Variants in HLCS observed in about 807,000 individuals in gnomAD.
The protein encoded by HLCS is holocarboxylase synthetase.
Under a neutral mutation model 75.0 loss-of-function variants are expected in HLCS, and 53 were observed. The observed-to-expected ratio is 0.71, with a 90% CI of 0.57 to 0.89. The LOEUF is 0.89. Among genes scored for constraint, HLCS ranks in the 40% least tolerant of loss-of-function variants. The probability of loss-of-function intolerance (pLI) is 0.00; values close to 1 mark genes in which losing one functional copy is unlikely to be tolerated. For missense variants in HLCS, 966 were observed against 1,074.0 expected (o/e 0.90, Z 1.41); for synonymous variants, 431 against 428.6 (o/e 1.01, Z -0.07).
chr21:36,875,101 A>C (rs57059082), intron 6 of HLCS, among the ~76,000 whole-genome samples: 8,294 of 152,242 alleles, frequency 0.054, 406 homozygotes, highest in East Asian at 0.24. Context: ...AGACCAGAGG[A>C]CTAAGCGTGA....
chr21:36,984,247 C>T (rs1569276952), intron 1 of HLCS, among the ~76,000 whole-genome samples: 1 of 152,008 alleles, frequency 6.6e-6, no homozygotes, highest in Non-Finnish European at 1.5e-5. Flanking sequence ...TTCCAAGACC[C>T]CCAGTGGACG....
At chr21:36,888,422 C>G (rs1486104623) in intron 6 of HLCS, among the ~76,000 whole-genome samples, 2 of 105,280 alleles carry the variant, frequency 1.9e-5, no homozygotes, top group South Asian at 4.1e-4. Context: ...GATCCTGCCC[C>G]CTTCCCATTT....
intron 1 of HLCS, among the ~76,000 whole-genome samples, chr21:36,987,144 G>A (rs767246243): frequency 7.2e-5 from 11 of 152,254 alleles, no homozygotes; most frequent in African/African-American, 1.7e-4. Context: ...CTGACTCATC[G>A]TTGACCTTCC....
At chr21:36,815,531 A>G (rs1434761135) in intron 6 of HLCS, among the ~76,000 whole-genome samples, 1 of 152,238 alleles carries the variant, frequency 6.6e-6, no homozygotes, top group Non-Finnish European at 1.5e-5. Flanking sequence ...TCATATTATT[A>G]CTGAGAAACA....
intron 2 of HLCS, among the ~76,000 whole-genome samples, chr21:36,952,894 C>T (rs2835550): frequency 0.56 from 85,165 of 151,550 alleles, 24,153 homozygotes; most frequent in East Asian, 0.64. Context: ...ATAGCTGTGA[C>T]AGAGATGCTA....
At chr21:36,915,524 G>A (rs2065893787) in intron 5 of HLCS, among the ~76,000 whole-genome samples, 1 of 152,258 alleles carries the variant, frequency 6.6e-6, no homozygotes. Context: ...GGAGAGAGGG[G>A]AGCGGCGTCC....
chr21:36,880,123 G>A (rs1464041621), intron 6 of HLCS, among the ~76,000 whole-genome samples: 2 of 152,112 alleles, frequency 1.3e-5, no homozygotes, highest in African/African-American at 4.8e-5. Flanking sequence ...TTCCAATGAT[G>A]ACAACATGGT....
chr21:36,888,471 TATATATATATATATATATATATA>T lies in HLCS; in HGVS notation c.1892+8366_1892+8388del, dbSNP rs1569149773. ...ATATATATATATATATATATATATA[TATATATATATATATATATATATA>T]TATTTATTTATTTATTTTATGGGAT... On this transcript the variant is annotated intron_variant, in intron 6 of 10. Coordinates refer to ENST00000674895, the MANE Select transcript of HLCS (RefSeq NM_001352514.2). Among the ~76,000 whole-genome samples, 48 of 112,114 alleles carry T rather than the reference TATATATATATATATATATATATA, an allele frequency of 4.3e-4. No individual in the cohort carries two copies. The Middle Eastern group carries it at 0.018, about 42-fold the overall frequency. 73.6% of individuals were successfully genotyped at this position (112,114 alleles called of 152,430 possible).
intron 5 of HLCS, among the ~76,000 whole-genome samples, chr21:36,929,154 G>T: frequency 6.6e-6 from 1 of 152,236 alleles, no homozygotes; most frequent in East Asian, 1.9e-4. Context: ...CCACTACTCT[G>T]TCCAAGAGTC....
chr21:36,942,232 G>A (rs115394676), intron 2 of HLCS, among the ~76,000 whole-genome samples: 11 of 151,402 alleles, frequency 7.3e-5, no homozygotes, highest in Admixed American at 6.6e-4. Context: ...TACAGAAAAA[G>A]AAAAAAACCA....
At chr21:36,817,517 C>T (rs987749367) in intron 6 of HLCS, among the ~76,000 whole-genome samples, 6 of 152,142 alleles carry the variant, frequency 3.9e-5, no homozygotes, top group Non-Finnish European at 8.8e-5. Context: ...CACCTATCCT[C>T]CACCCACCGG....
intron 8 of HLCS, among the ~76,000 whole-genome samples, chr21:36,760,426 T>C (rs930172163): frequency 7.9e-5 from 12 of 151,914 alleles, no homozygotes; most frequent in African/African-American, 1.7e-4. Flanking sequence ...CTGGCCAACA[T>C]AGTGAAACCC....
chr21:36,823,610 G>GGTGTGTGTGTGTGTGTGTGTGT (rs59724760), intron 6 of HLCS, among the ~76,000 whole-genome samples: 2,082 of 132,736 alleles, frequency 0.016, 39 homozygotes, highest in South Asian at 0.026. Context: ...AAACGTGCAG[G>GGTGTGTGTGTGTGTGTGTGTGT]GTGTGTGTGT....
intron 6 of HLCS, among the ~76,000 whole-genome samples, chr21:36,771,433 G>T (rs2060204894): frequency 6.6e-6 from 1 of 152,148 alleles, no homozygotes; most frequent in Non-Finnish European, 1.5e-5. Flanking sequence ...TATTTCTACA[G>T]AATTGAAGCC....
At chr21:36,930,851 C>A (rs539464903) in intron 4 of HLCS, among the ~76,000 whole-genome samples, 1 of 152,184 alleles carries the variant, frequency 6.6e-6, no homozygotes, top group Non-Finnish European at 1.5e-5. Flanking sequence ...TTCCAAAGAG[C>A]CTACTCAAAT....
chr21:36,823,610 G>GGTGCGTGTGTGT (rs1555901721), intron 6 of HLCS, among the ~76,000 whole-genome samples: 5 of 132,726 alleles, frequency 3.8e-5, no homozygotes, highest in African/African-American at 5.6e-5. Flanking sequence ...AAACGTGCAG[G>GGTGCGTGTGTGT]GTGTGTGTGT....
chr21:36,955,960 T>C (rs1262687693), intron 2 of HLCS, among the ~76,000 whole-genome samples: 1 of 152,242 alleles, frequency 6.6e-6, no homozygotes, highest in African/African-American at 2.4e-5. Context: ...TACAGGTTTA[T>C]AGCCTAGGAG....
At chr21:36,934,218 T>C (rs73905410) in intron 4 of HLCS, among the ~76,000 whole-genome samples, 5,910 of 152,198 alleles carry the variant, frequency 0.039, 245 homozygotes, top group African/African-American at 0.11. Flanking sequence ...AATAAGACTT[T>C]TTAGTTGGAC....
chr21:36,808,801 A>G (rs1400284284), intron 6 of HLCS, among the ~76,000 whole-genome samples: 1 of 152,224 alleles, frequency 6.6e-6, no homozygotes, highest in African/African-American at 2.4e-5. Flanking sequence ...CTTTAACTGA[A>G]AGAAGTTCCT....
Sources: allele counts gnomAD v4.1 joint callset (sites outside exome capture counted in the v4.1 genomes callset), GRCh38; gene constraint gnomAD v4.1.1; transcripts MANE v1.5; gene names NCBI Gene and HGNC (gene_info 2026-07-23, HGNC 2026-07-21).